ELMO1: variants seen among roughly 807,000 people sequenced by gnomAD.
ELMO1 encodes engulfment and cell motility protein 1.
Under a neutral mutation model 98.9 loss-of-function variants are expected in ELMO1, and 26 were observed. The ratio of observed to expected loss-of-function variants is 0.26; its 90% confidence interval spans 0.19 to 0.36. The LOEUF (loss-of-function observed/expected upper bound fraction) is 0.36, where lower values mean the gene tolerates loss of function less well. Among genes scored for constraint, ELMO1 ranks in the 10% least tolerant of loss-of-function variants. The pLI, the probability that ELMO1 is intolerant of heterozygous loss-of-function variation, is 1.00. For synonymous variants in ELMO1, 346 were observed against 346.0 expected (o/e 1.00, Z 0.00); for missense variants, 627 against 935.2 (o/e 0.67, Z 4.30).
intron 4 of ELMO1, among the ~76,000 whole-genome samples, chr7:37,296,406 G>A (rs1472873547): frequency 6.6e-6 from 1 of 152,172 alleles, no homozygotes; most frequent in African/African-American, 2.4e-5. Flanking sequence ...TCTCGTTAAT[G>A]CTTCACCTTC....
intron 16 of ELMO1, among the ~76,000 whole-genome samples, chr7:36,927,620 T>C (rs1785685940): frequency 6.6e-6 from 1 of 152,184 alleles, no homozygotes. Context: ...AAGCTTACAG[T>C]ACACAAGGCA....
chr7:37,058,036 C>A (rs569996954), intron 15 of ELMO1, among the ~76,000 whole-genome samples: 16 of 152,314 alleles, frequency 1.1e-4, no homozygotes, highest in African/African-American at 3.8e-4. Context: ...GAAGAAAAGA[C>A]AAAGGGCAAC....
intron 6 of ELMO1, among the ~76,000 whole-genome samples, chr7:37,245,183 G>A (rs1794936628): frequency 6.6e-6 from 1 of 152,132 alleles, no homozygotes; most frequent in Admixed American, 6.5e-5. Context: ...CCTCTAGGAA[G>A]TCTCTCTGAC....
chr7:36,952,572 G>C (rs764321640), intron 16 of ELMO1, among the ~76,000 whole-genome samples: 4 of 152,116 alleles, frequency 2.6e-5, no homozygotes, highest in Non-Finnish European at 5.9e-5. Flanking sequence ...GGTAAAAGTG[G>C]CTCTTATGAA....
chr7:37,267,034 TATATACACACACACACACACACAC>T (rs1796292256), intron 5 of ELMO1, among the ~76,000 whole-genome samples: 2 of 85,418 alleles, frequency 2.3e-5, no homozygotes, highest in South Asian at 9.0e-4. Flanking sequence ...AAAATATGTA[TATATACACACACACACACACACAC>T]ACACACACAC....
intron 1 of ELMO1, among the ~76,000 whole-genome samples, chr7:37,421,874 G>A (rs1385530962): frequency 1.3e-5 from 2 of 152,156 alleles, no homozygotes; most frequent in East Asian, 3.9e-4. Context: ...AGTTTACAAT[G>A]CAGTGGGACT....
At chr7:37,333,281 C>T (rs1470104706) in intron 2 of ELMO1, among the ~76,000 whole-genome samples, 1 of 152,120 alleles carries the variant, frequency 6.6e-6, no homozygotes, top group Non-Finnish European at 1.5e-5. Context: ...ACCTGTTGAC[C>T]TAACAGGAAA....
intron 2 of ELMO1, among the ~76,000 whole-genome samples, chr7:37,321,716 C>CAAAAAAAGAAA (rs1799509937): frequency 1.5e-5 from 1 of 66,104 alleles, no homozygotes; most frequent in Non-Finnish European, 2.7e-5. Context: ...GACTCCGTCT[C>CAAAAAAAGAAA]AAAAAAAAAA....
chr7:37,006,493 C>T (rs1181173672), intron 16 of ELMO1, among the ~76,000 whole-genome samples: 1 of 152,172 alleles, frequency 6.6e-6, no homozygotes, highest in Non-Finnish European at 1.5e-5. Context: ...GGGACTGCCA[C>T]CAGATCCTCC....
chr7:37,075,450 C>T (rs1437547842), intron 15 of ELMO1, among the ~76,000 whole-genome samples: 3 of 152,056 alleles, frequency 2.0e-5, no homozygotes, highest in South Asian at 2.1e-4. Context: ...CCACCACGCC[C>T]GGCCTCATTA....
In ELMO1 at chr7:36,856,562, G is replaced by A. The variant is rs143930144; in HGVS notation, c.1984-811C>T. 4.4e-4 allele frequency among the ~76,000 whole-genome samples: 67 copies of A among 152,228 alleles called. 1 individual carries two copies. In the East Asian group the frequency reaches 7.9e-3, roughly 18 times the overall value. ...GATTCTTCTCCTTTCATAGCCTTTT[G>A]TCTCTCCAGGAGACTATGATCTCTG... On this transcript the variant is annotated intron_variant, in intron 21 of 21. Coordinates refer to ENST00000310758, the MANE Select transcript of ELMO1 (RefSeq NM_014800.11).
At chr7:37,108,450 C>G (rs1785058909) in intron 14 of ELMO1, among the ~76,000 whole-genome samples, 1 of 152,176 alleles carries the variant, frequency 6.6e-6, no homozygotes, top group Non-Finnish European at 1.5e-5. Context: ...CCTAAACAAG[C>G]CTTTGAAGTG....
In ELMO1 at chr7:36,973,976, C is replaced by CGGGGCA. The variant is rs59028196; in HGVS notation, c.1437+39317_1437+39322dup. Among the ~76,000 whole-genome samples the CGGGGCA allele has an allele frequency of 9.0e-3, 1,378 of 152,348 alleles. 23 individuals are homozygous for CGGGGCA. Among genetic ancestry groups the CGGGGCA allele is most frequent in the African/African-American group, 0.031 (1,294 of 41,582 alleles). Reference sequence around the variant, plus strand: ...TCACTGGGCCTTAGCTGCCTTCCCGCGGGGCAGGGCTCGGGACCTGCAGCC... The same window carrying CGGGGCA: ...TCACTGGGCCTTAGCTGCCTTCCCGCGGGGCAGGGGCAGGGCTCGGGACCTGCAGCC... On this transcript the variant is annotated intron_variant, in intron 16 of 21. Transcript: ENST00000310758.
intron 16 of ELMO1, among the ~76,000 whole-genome samples, chr7:37,000,325 A>T (rs1003709270): frequency 1.3e-5 from 2 of 152,218 alleles, no homozygotes; most frequent in Non-Finnish European, 2.9e-5. Flanking sequence ...TGCCAATGAC[A>T]TTTACTTCTG....
intron 1 of ELMO1, among the ~76,000 whole-genome samples, chr7:37,391,058 T>TCCTTCCTC (rs1562660996): frequency 9.6e-5 from 10 of 103,786 alleles, no homozygotes; most frequent in South Asian, 6.6e-4. Flanking sequence ...CTTCCTTCCT[T>TCCTTCCTC]CCTCCCTCCC....
chr7:37,128,892 T>A lies in ELMO1; in HGVS notation c.1191+4238A>T, dbSNP rs1786708856. On this transcript the variant is annotated intron_variant, in intron 14 of 21. Transcript: ENST00000310758. ...ACAATCAATTAGGGGAAATAGAAAG[T>A]AAATACATTTAAGGCTGTACAATGT... 2.0e-5 allele frequency among the ~76,000 whole-genome samples: 3 copies of A among 152,118 alleles called. 1 individual carries two copies. The highest frequency in any genetic ancestry group is 2.0e-4 in the Admixed American group (3 of 15,262).
At chr7:37,243,572 A>G (rs1794856454) in intron 7 of ELMO1, among the ~76,000 whole-genome samples, 1 of 152,192 alleles carries the variant, frequency 6.6e-6, no homozygotes, top group South Asian at 2.1e-4. Flanking sequence ...TGCAACTCAT[A>G]CTTTTCTGTG....
At chr7:36,862,714 C>T (rs997463611) in intron 20 of ELMO1, among the ~76,000 whole-genome samples, 1 of 152,206 alleles carries the variant, frequency 6.6e-6, no homozygotes, top group Non-Finnish European at 1.5e-5. Context: ...ATGGAGGTTC[C>T]AGTGTGCCTT....
chr7:37,332,270 C>T (rs1413952842), intron 2 of ELMO1, among the ~76,000 whole-genome samples: 2 of 152,174 alleles, frequency 1.3e-5, no homozygotes, highest in Non-Finnish European at 2.9e-5. Flanking sequence ...ATGCCTTCAC[C>T]ATAGTCATTC....
Sources: allele counts gnomAD v4.1 joint callset (sites outside exome capture counted in the v4.1 genomes callset), GRCh38; gene constraint gnomAD v4.1.1; transcripts MANE v1.5; gene names NCBI Gene and HGNC (gene_info 2026-07-23, HGNC 2026-07-21).